Variants in AGO1 observed in about 807,000 individuals in gnomAD.
AGO1 encodes the protein argonaute RISC component 1.
In AGO1, 11 loss-of-function variants were observed where a neutral mutation model predicts 109.2. The ratio of observed to expected loss-of-function variants is 0.10; its 90% CI spans 0.06 to 0.17. AGO1 has a LOEUF of 0.17. AGO1 is among the 10% of genes least tolerant of loss of function. The pLI is 1.00. For synonymous variants in AGO1, 422 were observed against 418.6 expected, an observed-to-expected ratio of 1.01 and a Z score of -0.10; for missense variants, 574 against 1,140.3, an observed-to-expected ratio of 0.50 and a Z score of 7.15.
upstream of AGO1, among the ~76,000 whole-genome samples, chr1:35,880,733 C>T (rs370620598): frequency 7.9e-5 from 12 of 152,306 alleles, no homozygotes; most frequent in South Asian, 1.2e-3. Context: ...GATCTCAGCT[C>T]ACTGCAACCT....
intron 14 of AGO1, among the ~76,000 whole-genome samples, chr1:35,914,724 A>G (rs1409830044): frequency 1.3e-5 from 2 of 152,142 alleles, no homozygotes; most frequent in African/African-American, 2.4e-5. Flanking sequence ...GGGGCTTCCA[A>G]ATTGCTAGGG....
intron 1 of AGO1, among the ~76,000 whole-genome samples, chr1:35,886,248 C>T (rs1032998116): frequency 6.6e-6 from 1 of 152,156 alleles, no homozygotes; most frequent in Non-Finnish European, 1.5e-5. Context: ...GCCGTCTGTC[C>T]CTGTCTGGGT....
intron 16 of AGO1, among the ~76,000 whole-genome samples, chr1:35,918,045 C>T (rs1377730238): frequency 6.6e-6 from 1 of 152,206 alleles, no homozygotes; most frequent in Admixed American, 6.5e-5. Context: ...CTGTACAAGG[C>T]GTCTTCCTCA....
rs1042002877 is a variant in AGO1, at chr1:35,925,218, C to A, written c.*5611C>A. On this transcript the variant is annotated 3_prime_UTR_variant, in exon 19 of 19. Coordinates refer to ENST00000373204, the MANE Select transcript of AGO1 (RefSeq NM_012199.5). The stretch of plus-strand genomic sequence containing the variant: ...TTCTTTTTTTTTCTGTGTGTTTTAC[C>A]TTTCTACTCCCCATCTTTTGGGGAT... The A allele has an allele frequency of 1.3e-5, 2 of 150,848 alleles. No individual in the cohort carries two copies. The highest frequency in any genetic ancestry group is 4.9e-5 in the African/African-American group (2 of 40,944). The allele number at this position is 150,848 out of a possible 1,614,324, so 9.3% of individuals were successfully genotyped here.
At position 35,902,032 on chromosome 1, in the gene AGO1, C is replaced by T; in HGVS notation, c.1225C>T (p.Arg409Ter). Residue 409 changes from arginine to a stop codon, truncating the protein, a stop_gained, in exon 10 of 19, where the codon CGA becomes TGA. Coordinates refer to ENST00000373204, the MANE Select transcript of AGO1 (RefSeq NM_012199.5). LOFTEE classifies it high-confidence loss of function. ...GGATGACATGACGGAGGTGACAGGG[C>T]GAGTGCTGCCGGCGCCCATCTTGCA... Reference protein sequence around the residue: ...VKDDMTEVTGRVLPAPILQYG... With the variant: ...VKDDMTEVTG 6.2e-7 allele frequency: 1 copy of T among 1,611,014 alleles called. No individual in the cohort carries two copies. The highest frequency in any genetic ancestry group is 8.5e-7 in the Non-Finnish European group (1 of 1,178,600).
chr1:35,885,056 C>T (rs1031400949), intron 1 of AGO1, among the ~76,000 whole-genome samples: 1 of 143,308 alleles, frequency 7.0e-6, no homozygotes. Context: ...ATTTAGTGAT[C>T]TCTAAGTACT....
chr1:35,913,164 C>T (rs1312126504), intron 12 of AGO1, among the ~76,000 whole-genome samples: 3 of 152,026 alleles, frequency 2.0e-5, no homozygotes, highest in African/African-American at 4.8e-5. Flanking sequence ...GGACTACAGG[C>T]GCCCGCCACC....
rs184160441 is a variant in AGO1, at chr1:35,913,023, T to A, written c.1583-819T>A. On this transcript the variant is annotated intron_variant, in intron 12 of 18. Coordinates refer to ENST00000373204, the MANE Select transcript of AGO1 (RefSeq NM_012199.5). ...CGTCTCAACAACTCACCCATCTTTT[T>A]TTTTTTTTCTTCTGGATATGGAGTC... is the stretch of plus-strand genomic sequence containing the variant. Among the ~76,000 whole-genome samples the A allele has an allele frequency of 2.5e-3, 378 of 152,208 alleles. 4 individuals are homozygous for A. Among genetic ancestry groups the A allele is most frequent in the Non-Finnish European group, 1.4e-3 (93 of 67,984 alleles).
upstream of AGO1, chr1:35,882,947 G>A (rs574746073): frequency 1.7e-4 from 166 of 973,042 alleles, no homozygotes; most frequent in African/African-American, 2.7e-3. This position sits in a 1 kb window ranked among gnomAD's most constrained non-coding sequence, Gnocchi z 5.1. Context: ...GGTTTGGAGG[G>A]ACCTATTTGG....
At chr1:35,874,633 A>C (rs990373051) in intron 1 of AGO1, among the ~76,000 whole-genome samples, 1 of 152,204 alleles carries the variant, frequency 6.6e-6, no homozygotes, top group African/African-American at 2.4e-5. Context: ...GGAGTTGCAC[A>C]TCTCTTGCTT....
At chr1:35,881,737 G>C (rs992860341), upstream of AGO1, among the ~76,000 whole-genome samples, 1 of 152,188 alleles carries the variant, frequency 6.6e-6, no homozygotes, top group African/African-American at 2.4e-5. Context: ...AGTAAGGACC[G>C]GTTATGGTCC....
intron 12 of AGO1, among the ~76,000 whole-genome samples, chr1:35,912,106 C>T (rs1645643429): frequency 6.6e-6 from 1 of 152,038 alleles, no homozygotes; most frequent in Non-Finnish European, 1.5e-5. Context: ...GCGTGTAATC[C>T]CAGCACTTTG....
intron 1 of AGO1, among the ~76,000 whole-genome samples, chr1:35,870,843 CAT>C (rs1224343013): frequency 6.6e-6 from 1 of 152,154 alleles, no homozygotes; most frequent in Non-Finnish European, 1.5e-5. Flanking sequence ...CCTTAAACCA[CAT>C]AGTTTACTTT....
intron 1 of AGO1, among the ~76,000 whole-genome samples, chr1:35,886,250 T>C (rs955995804): frequency 1.3e-5 from 2 of 152,166 alleles, no homozygotes; most frequent in Admixed American, 6.5e-5. Flanking sequence ...CGTCTGTCCC[T>C]GTCTGGGTCT....
chr1:35,928,081 A>G lies in AGO1; in HGVS notation c.*8474A>G, dbSNP rs1236022849. ...CTAAGCAGAGTAGAATAATAGCGGC[A>G]GCAGGGAGGGAAGTGTGAACTGTGT... On this transcript the variant is annotated 3_prime_UTR_variant, in exon 19 of 19. Coordinates refer to ENST00000373204, the MANE Select transcript of AGO1 (RefSeq NM_012199.5). 2 of 152,246 alleles carry G rather than the reference A, an allele frequency of 1.3e-5. No homozygotes were observed. Among genetic ancestry groups the G allele is most frequent in the East Asian group, 3.8e-4 (2 of 5,202 alleles). The allele number at this position is 152,246 out of a possible 1,614,324, so 9.4% of individuals were successfully genotyped here.
At chr1:35,884,903 G>T (rs1302969768) in intron 1 of AGO1, among the ~76,000 whole-genome samples, 1 of 152,112 alleles carries the variant, frequency 6.6e-6, no homozygotes, top group Non-Finnish European at 1.5e-5. Flanking sequence ...CTTACATTTG[G>T]TCTGGGGATG....
rs1015787810 is a variant in AGO1 at position 35,888,880 on chromosome 1, C to G, written c.209+270C>G. Reference sequence around the variant, plus strand: ...ATTGAGTTAAGAAATAAGTACAGTACCTACTACATTTCAATATTAGTTGAA... The same window carrying G: ...ATTGAGTTAAGAAATAAGTACAGTAGCTACTACATTTCAATATTAGTTGAA... On this transcript the variant is annotated intron_variant, in intron 2 of 18. Coordinates refer to ENST00000373204, the MANE Select transcript of AGO1 (RefSeq NM_012199.5). This position sits in a 1 kb window ranked among gnomAD's most constrained non-coding sequence, Gnocchi z 4.1. 6.6e-6 allele frequency among the ~76,000 whole-genome samples: 1 copy of G among 152,106 alleles called. No individual in the cohort carries two copies. Among genetic ancestry groups the G allele is most frequent in the Non-Finnish European group, 1.5e-5 (1 of 68,032 alleles).
chr1:35,928,847 G>A lies in AGO1; in HGVS notation c.*9240G>A, dbSNP rs757576530. The stretch of plus-strand genomic sequence containing the variant: ...CTGGGTATTTGATGGCTCCTGAGGA[G>A]GTTCAACTTTCAGAGCGCACTGATT... On this transcript the variant is annotated 3_prime_UTR_variant, in exon 19 of 19. Coordinates refer to ENST00000373204, the MANE Select transcript of AGO1 (RefSeq NM_012199.5). 5 of 152,170 alleles carry A rather than the reference G, an allele frequency of 3.3e-5. No individual in the cohort carries two copies. The highest frequency in any genetic ancestry group is 5.9e-5 in the Non-Finnish European group (4 of 68,028). The allele number at this position is 152,170 out of a possible 1,614,324, so 9.4% of individuals were successfully genotyped here.
intron 11 of AGO1, among the ~76,000 whole-genome samples, chr1:35,905,117 T>C (rs1214737309): frequency 6.6e-6 from 1 of 152,210 alleles, no homozygotes; most frequent in African/African-American, 2.4e-5. Context: ...GACACAGTAT[T>C]CCAAGTGTAG....
Sources: gnomAD v4.1 joint callset for allele counts (sites outside exome capture counted in the v4.1 genomes callset) on GRCh38, gnomAD v4.1.1 for gene constraint, Gnocchi (gnomAD v3.1) non-coding constraint, MANE v1.5 for transcripts, NCBI Gene and HGNC (gene_info 2026-07-23, HGNC 2026-07-21) for gene names.